The following EML6 variants were observed in gnomAD, a reference collection of about 807,000 sequenced individuals.
The protein encoded by EML6 is echinoderm microtubule-associated protein-like 6.
EML6 carries 154 observed loss-of-function variants against 240.1 expected under a neutral mutation model. The ratio of observed to expected loss-of-function variants is 0.64; its 90% CI spans 0.56 to 0.73. The LOEUF (loss-of-function observed/expected upper bound fraction) is 0.73. Among genes scored for constraint, EML6 ranks in the 30% least tolerant of loss-of-function variants. The pLI, the probability that EML6 is intolerant of heterozygous loss-of-function variation, is 0.00. For synonymous variants in EML6, 1,148 were observed against 899.0 expected (o/e 1.28, Z -4.95); for missense variants, 2,964 against 2,474.6 (o/e 1.20, Z -4.20).
intron 32 of EML6, among the ~76,000 whole-genome samples, chr2:54,956,996 C>T (rs76969732): frequency 6.8e-6 from 1 of 147,096 alleles, no homozygotes. Context: ...ACTATTACTA[C>T]TACTACTAAT....
At chr2:54,961,683 A>G (rs1676522505) in intron 35 of EML6, among the ~76,000 whole-genome samples, 1 of 151,926 alleles carries the variant, frequency 6.6e-6, no homozygotes, top group African/African-American at 2.4e-5. Flanking sequence ...GAGAAGAGCA[A>G]TTAAGAATGG....
At position 54,864,556 on chromosome 2, in the gene EML6, T is replaced by C. The variant is rs539449910; in HGVS notation, c.1932+667T>C. 2.9e-3 allele frequency among the ~76,000 whole-genome samples: 438 copies of C among 152,334 alleles called. 3 individuals carry two copies. The highest frequency in any genetic ancestry group is 0.01 in the African/African-American group (426 of 41,578). On this transcript the variant is annotated intron_variant, in intron 13 of 41. Transcript: ENST00000356458. The stretch of plus-strand genomic sequence containing the variant: ...GCAATAACCATGGGGGTTCTCTTTT[T>C]CTTTCTTGTCACTTAACAAAGATAT...
At position 54,930,221 on chromosome 2, in the gene EML6, A is replaced by G. The variant is rs1674780637; in HGVS notation, c.4004+1470A>G. Among the ~76,000 whole-genome samples the G allele has an allele frequency of 2.0e-5, 3 of 152,208 alleles. No homozygotes were observed. The South Asian group carries it at 6.2e-4, about 32-fold the overall frequency. ...TAACTCATTCGTACATCATGCTGAG[A>G]TTCATGCTAGCCACCAAAATATAAT... On this transcript the variant is annotated intron_variant, in intron 28 of 41. Transcript: ENST00000356458.
At chr2:54,881,157 G>A (rs532482697) in intron 17 of EML6, 3 of 152,238 alleles carry the variant, frequency 2.0e-5, no homozygotes, top group East Asian at 1.9e-4. Context: ...ACATTAGCCA[G>A]TGCTGTTTCC....
At chr2:54,811,982 CACTTTTCAGATGTCCA>C in intron 2 of EML6, among the ~76,000 whole-genome samples, 1 of 152,306 alleles carries the variant, frequency 6.6e-6, no homozygotes, top group African/African-American at 2.4e-5. Context: ...TTCCAGCAAG[CACTTTTCAGATGTCCA>C]ACATGGATTT....
chr2:54,895,813 T>C (rs1672732714), intron 21 of EML6, among the ~76,000 whole-genome samples: 1 of 152,252 alleles, frequency 6.6e-6, no homozygotes, highest in African/African-American at 2.4e-5. Context: ...AGAGGCCATT[T>C]TCAGCTCCCA....
chr2:54,739,095 C>T (rs765060541), intron 2 of EML6, among the ~76,000 whole-genome samples: 59 of 152,168 alleles, frequency 3.9e-4, no homozygotes, highest in Non-Finnish European at 6.5e-4. Flanking sequence ...ATAGTGTTTT[C>T]TCATGTATAA....
chr2:54,923,977 C>G (rs992438524), intron 26 of EML6, among the ~76,000 whole-genome samples: 4 of 152,198 alleles, frequency 2.6e-5, no homozygotes, highest in African/African-American at 7.2e-5. Context: ...ATTTTCATAG[C>G]TGAGTAGAAT....
At chr2:54,905,443 T>A (rs755630657) in intron 24 of EML6, among the ~76,000 whole-genome samples, 10 of 151,854 alleles carry the variant, frequency 6.6e-5, no homozygotes, top group Non-Finnish European at 1.5e-4. Flanking sequence ...AACCCATTAT[T>A]GTTTCTATTA....
chr2:54,887,653 C>G (rs1672223753), intron 17 of EML6, among the ~76,000 whole-genome samples: 1 of 152,206 alleles, frequency 6.6e-6, no homozygotes, highest in African/African-American at 2.4e-5. Flanking sequence ...ATTTAAGTCT[C>G]TAAATAGTTT....
intron 32 of EML6, among the ~76,000 whole-genome samples, chr2:54,955,181 G>T (rs1006888168): frequency 6.6e-6 from 1 of 152,202 alleles, no homozygotes; most frequent in Non-Finnish European, 1.5e-5. Context: ...TCACCCAGAT[G>T]GCTGCACAGT....
chr2:54,795,021 G>T (rs561049604), intron 2 of EML6, among the ~76,000 whole-genome samples: 15 of 152,018 alleles, frequency 9.9e-5, no homozygotes, highest in Non-Finnish European at 1.9e-4. Flanking sequence ...ATTTTACCAC[G>T]CCATTCTTAC....
intron 24 of EML6, among the ~76,000 whole-genome samples, chr2:54,905,496 A>C (rs1194790532): frequency 6.6e-6 from 1 of 152,072 alleles, no homozygotes; most frequent in Non-Finnish European, 1.5e-5. Flanking sequence ...TATAGAGTAA[A>C]TTTTGACTGG....
intron 29 of EML6, among the ~76,000 whole-genome samples, chr2:54,949,380 G>A (rs1004437395): frequency 3.9e-5 from 6 of 152,132 alleles, no homozygotes; most frequent in Admixed American, 2.0e-4. Context: ...GCCACGAAGC[G>A]TTTCATACAA....
intron 10 of EML6, 77 bp from the exon 11 acceptor site, chr2:54,853,566 A>T: frequency 1.0e-6 from 1 of 953,302 alleles, no homozygotes; most frequent in Non-Finnish European, 1.5e-6. Context: ...AGTTTTCTTA[A>T]AGTTTCAGAT....
In EML6 at chr2:54,844,213, T is replaced by G. The variant is rs1202779837; in HGVS notation, c.1014T>G (p.Pro338=). 7 of 1,551,670 alleles carry G rather than the reference T, an allele frequency of 4.5e-6. No homozygotes were observed. Among genetic ancestry groups the G allele is most frequent in the Non-Finnish European group, 6.1e-6 (7 of 1,146,974 alleles). ...CTCTGGCCCTGCACCCCAAGAAGCC[T>G]CTGGCTGTGACAGGCAGCGATGACC... is the stretch of plus-strand genomic sequence containing the variant. ...LWALALHPKK[P]LAVTGSDDRS... Residue 338 remains proline, a synonymous_variant, in exon 8 of 42, where the codon CCT becomes CCG. Transcript: ENST00000356458.
At position 54,774,350 on chromosome 2, in the gene EML6, A is replaced by G. The variant is rs1668513308; in HGVS notation, c.198-38882A>G. ...GATGGTCAGGCCTTTATGTTCCTACATTGATCAGTCATTAGGTACAGGCCA... is the reference window on the plus strand; with the variant it reads ...GATGGTCAGGCCTTTATGTTCCTACGTTGATCAGTCATTAGGTACAGGCCA... On this transcript the variant is annotated intron_variant, in intron 2 of 41. Transcript: ENST00000356458. The surrounding 1 kb of genome is among the most constrained non-coding windows in gnomAD (Gnocchi z 4.1). 6.6e-6 allele frequency among the ~76,000 whole-genome samples: 1 copy of G among 152,166 alleles called. No homozygotes were observed.
In EML6 at chr2:54,853,877, C is replaced by G. The variant is rs1213829376; in HGVS notation, c.1657+22C>G. The stretch of plus-strand genomic sequence containing the variant: ...AGAGGTAAGGCCAAAAGAGATGTTT[C>G]ATTGCATAAAGATTTACTCTAAACT... On this transcript the variant is annotated intron_variant, in intron 11 of 41. Coordinates refer to ENST00000356458, the MANE Select transcript of EML6 (RefSeq NM_001039753.4). The G allele has an allele frequency of 1.1e-5, 17 of 1,489,594 alleles. No individual in the cohort carries two copies. The African/African-American group carries it at 2.4e-4, about 21-fold the overall frequency. The allele number at this position is 1,489,594 out of a possible 1,614,324, so 92.3% of individuals were successfully genotyped here.
Position 54,725,284 on chromosome 2 carries a change from G to A in EML6, c.197+26G>A. 7.2e-7 allele frequency: 1 copy of A among 1,388,188 alleles called. No individual in the cohort carries two copies. The highest frequency in any genetic ancestry group is 9.4e-7 in the Non-Finnish European group (1 of 1,058,218). The allele number at this position is 1,388,188 out of a possible 1,614,324, so 86.0% of individuals were successfully genotyped here. ...GTAAGGGGGTGGCCAGGGGCGGCGG[G>A]GAGGGGTTGCGTGTGGAGGCTGGGA... On this transcript the variant is annotated intron_variant, in intron 2 of 41. Transcript: ENST00000356458. This position sits in a 1 kb window ranked among gnomAD's most constrained non-coding sequence, Gnocchi z 4.3.
Sources: allele counts gnomAD v4.1 joint callset (sites outside exome capture counted in the v4.1 genomes callset), GRCh38; gene constraint gnomAD v4.1.1; non-coding constraint Gnocchi (gnomAD v3.1); transcripts MANE v1.5; gene names NCBI Gene and HGNC (gene_info 2026-07-23, HGNC 2026-07-21).